Variants in NDST3 observed in about 807,000 individuals in gnomAD.
NDST3 encodes bifunctional heparan sulfate N-deacetylase/N-sulfotransferase 3.
NDST3 carries 58 observed loss-of-function variants against 96.1 expected under a neutral mutation model. The observed-to-expected ratio is 0.60, with a 90% CI of 0.49 to 0.75. The LOEUF is 0.75. Ranked by LOEUF, NDST3 falls within the 30% of genes least tolerant of loss-of-function variation. NDST3 has a pLI of 0.00. For missense variants in NDST3, 788 were observed against 1,034.2 expected, an observed-to-expected ratio of 0.76 and a Z score of 3.27; for synonymous variants, 333 against 359.7, an observed-to-expected ratio of 0.93 and a Z score of 0.84.
At chr4:118,219,828 A>T (rs1430246857) in intron 6 of NDST3, among the ~76,000 whole-genome samples, 1 of 152,146 alleles carries the variant, frequency 6.6e-6, no homozygotes, top group Non-Finnish European at 1.5e-5. Flanking sequence ...AAAAACAAAC[A>T]TCATCATCAA....
intron 2 of NDST3, among the ~76,000 whole-genome samples, chr4:118,088,695 G>A (rs929967976): frequency 4.6e-5 from 7 of 151,942 alleles, no homozygotes; most frequent in African/African-American, 9.7e-5. Context: ...AATAAGACTC[G>A]TTTTCATGAA....
At chr4:118,248,235 C>T (rs554907824) in intron 12 of NDST3, among the ~76,000 whole-genome samples, 175 of 152,202 alleles carry the variant, frequency 1.1e-3, no homozygotes, top group Non-Finnish European at 1.9e-3. Flanking sequence ...CCTGTAACCC[C>T]AGCAACTCGG....
intron 6 of NDST3, among the ~76,000 whole-genome samples, chr4:118,165,072 T>C (rs1206702437): frequency 6.6e-6 from 1 of 152,082 alleles, no homozygotes; most frequent in African/African-American, 2.4e-5. Flanking sequence ...TAGTAAGTGC[T>C]TCCCTATCAG....
rs1406275240 is a variant in NDST3, at chr4:118,169,616, AAACCCC to A, written c.1539+25933_1539+25938del. Among the ~76,000 whole-genome samples, 860 of 152,152 alleles carry A rather than the reference AAACCCC, an allele frequency of 5.7e-3. 9 individuals carry two copies. The highest frequency in any genetic ancestry group is 0.02 in the African/African-American group (826 of 41,508). ...TGAAACTAGCCTGGCCAACATGGCA[AAACCCC>A]GTCTTTACTAAAAATAAAAGAATTA... On this transcript the variant is annotated intron_variant, in intron 6 of 13. Coordinates refer to ENST00000296499, the MANE Select transcript of NDST3 (RefSeq NM_004784.3).
intron 9 of NDST3, 132 bp from the exon 10 acceptor site, chr4:118,236,914 G>A (rs1443952150): frequency 3.5e-6 from 2 of 575,840 alleles, no homozygotes; most frequent in African/African-American, 3.9e-5. Context: ...CCTAACTATG[G>A]AGGACAAATG....
intron 6 of NDST3, among the ~76,000 whole-genome samples, chr4:118,158,546 G>A (rs1045912359): frequency 3.3e-5 from 5 of 152,182 alleles, no homozygotes; most frequent in East Asian, 1.9e-4. Flanking sequence ...TCATCATTTT[G>A]CAGACACCAA....
chr4:118,107,098 A>ATCATC (rs1560647786), intron 3 of NDST3, among the ~76,000 whole-genome samples: 4 of 151,786 alleles, frequency 2.6e-5, no homozygotes, highest in African/African-American at 9.7e-5. Flanking sequence ...TCAAAATAAT[A>ATCATC]ATAATAATAA....
chr4:118,085,888 C>T (rs1343144057), intron 2 of NDST3, among the ~76,000 whole-genome samples: 2 of 152,140 alleles, frequency 1.3e-5, no homozygotes, highest in East Asian at 1.9e-4. Context: ...TTATGTGTTC[C>T]GCTGAGCATT....
chr4:118,223,338 T>C (rs894271344), intron 6 of NDST3, among the ~76,000 whole-genome samples: 1 of 152,046 alleles, frequency 6.6e-6, no homozygotes, highest in Non-Finnish European at 1.5e-5. Flanking sequence ...TAAAGTCTCA[T>C]TTTTTAAGAA....
intron 6 of NDST3, among the ~76,000 whole-genome samples, chr4:118,196,380 CCCT>C (rs1737688065): frequency 6.6e-6 from 1 of 151,970 alleles, no homozygotes; most frequent in African/African-American, 2.4e-5. Context: ...GGGAAGTAGT[CCCT>C]CCTCCTCTAT....
chr4:118,244,526 T>C (rs189981837), intron 12 of NDST3, among the ~76,000 whole-genome samples: 46 of 152,296 alleles, frequency 3.0e-4, no homozygotes, highest in African/African-American at 1.0e-3. Context: ...TCTAAGGATA[T>C]AGTAAACTGT....
chr4:118,102,537 T>C (rs981296361), intron 2 of NDST3, among the ~76,000 whole-genome samples: 2 of 152,164 alleles, frequency 1.3e-5, no homozygotes, highest in Non-Finnish European at 2.9e-5. Context: ...TTTTATATCA[T>C]TTTTATATTT....
At chr4:118,161,863 C>T (rs558108302) in intron 6 of NDST3, among the ~76,000 whole-genome samples, 182 of 152,300 alleles carry the variant, frequency 1.2e-3, no homozygotes, top group African/African-American at 4.0e-3. Flanking sequence ...TGCTCACACA[C>T]GGTGCACTGC....
chr4:118,196,359 T>C (rs1397989475), intron 6 of NDST3, among the ~76,000 whole-genome samples: 2 of 152,206 alleles, frequency 1.3e-5, no homozygotes, highest in Non-Finnish European at 2.9e-5. Context: ...ACTGGCTTCA[T>C]AGTATGTGCT....
intron 12 of NDST3, among the ~76,000 whole-genome samples, chr4:118,243,426 A>C (rs1247461720): frequency 6.6e-6 from 1 of 152,230 alleles, no homozygotes; most frequent in Admixed American, 6.5e-5. Flanking sequence ...AGAGTCATTT[A>C]TACTTTGCTG....
At chr4:118,249,345 C>G (rs1741509378) in intron 12 of NDST3, among the ~76,000 whole-genome samples, 1 of 152,078 alleles carries the variant, frequency 6.6e-6, no homozygotes, top group Admixed American at 6.5e-5. Flanking sequence ...TTGCTGATAG[C>G]AAAATGTTAA....
intron 6 of NDST3, among the ~76,000 whole-genome samples, chr4:118,166,086 AAT>A (rs1319405334): frequency 1.3e-5 from 2 of 151,780 alleles, no homozygotes; most frequent in Non-Finnish European, 3.0e-5. Context: ...AAATAAATGA[AAT>A]AGAAAATATA....
At chr4:118,186,179 A>G (rs1482169101) in intron 6 of NDST3, among the ~76,000 whole-genome samples, 1 of 152,120 alleles carries the variant, frequency 6.6e-6, no homozygotes, top group Non-Finnish European at 1.5e-5. Flanking sequence ...TGATTGTGTC[A>G]TATTTAGCAT....
At chr4:118,081,016 C>T (rs553113260) in intron 2 of NDST3, among the ~76,000 whole-genome samples, 4 of 152,258 alleles carry the variant, frequency 2.6e-5, no homozygotes, top group Non-Finnish European at 4.4e-5. Context: ...GGCAAACTTG[C>T]GCTCAAATCT....
Sources: gnomAD v4.1 joint callset for allele counts (sites outside exome capture counted in the v4.1 genomes callset) on GRCh38, gnomAD v4.1.1 for gene constraint, MANE v1.5 for transcripts, NCBI Gene and HGNC (gene_info 2026-07-23, HGNC 2026-07-21) for gene names.